The following FBXL7 variants were observed in gnomAD, a reference collection of about 807,000 sequenced individuals.
The protein encoded by FBXL7 is F-box and leucine rich repeat protein 7, also known as F-box/LRR-repeat protein 7.
In FBXL7, 12 loss-of-function variants were observed where a neutral mutation model predicts 38.3. The ratio of observed to expected loss-of-function variants is 0.31; its 90% CI spans 0.20 to 0.51. FBXL7 has a LOEUF of 0.51. Among genes scored for constraint, FBXL7 ranks in the 20% least tolerant of loss-of-function variants. The pLI is 0.98. For synonymous variants in FBXL7, 297 were observed against 300.9 expected (o/e 0.99, Z 0.13); for missense variants, 567 against 676.4 (o/e 0.84, Z 1.79).
Position 15,732,188 on chromosome 5 carries a change from G to T in FBXL7, c.127+116116G>T, listed in dbSNP as rs188309110. Among the ~76,000 whole-genome samples the T allele has an allele frequency of 7.4e-4, 112 of 152,246 alleles. No individual in the cohort carries two copies. The South Asian group carries it at 0.01, about 14-fold the overall frequency. ...GCTCTTATGCGAATTCCACAGATGT[G>T]CTTATTTATTCATGTGTAGAATGCT... On this transcript the variant is annotated intron_variant, in intron 2 of 3. Coordinates refer to ENST00000504595, the MANE Select transcript of FBXL7 (RefSeq NM_012304.5).
At chr5:15,917,724 G>A (rs140154489) in intron 2 of FBXL7, among the ~76,000 whole-genome samples, 32 of 149,782 alleles carry the variant, frequency 2.1e-4, no homozygotes, top group African/African-American at 7.8e-4. Flanking sequence ...GAAGGACGAT[G>A]CTAGCGAAAT....
chr5:15,563,109 A>C (rs1046683101), intron 1 of FBXL7, among the ~76,000 whole-genome samples: 1 of 152,126 alleles, frequency 6.6e-6, no homozygotes, highest in Non-Finnish European at 1.5e-5. Flanking sequence ...TTCTGCTGGA[A>C]AGGTGCAGAA....
chr5:15,866,799 A>G (rs1739735121), intron 2 of FBXL7, among the ~76,000 whole-genome samples: 1 of 151,920 alleles, frequency 6.6e-6, no homozygotes, highest in Non-Finnish European at 1.5e-5. Context: ...ACTGAGGATG[A>G]TGGCTTCCAG....
At position 15,764,653 on chromosome 5, in the gene FBXL7, A is replaced by G. The variant is rs76659691; in HGVS notation, c.127+148581A>G. On this transcript the variant is annotated intron_variant, in intron 2 of 3. Coordinates refer to ENST00000504595, the MANE Select transcript of FBXL7 (RefSeq NM_012304.5). ...CCCAGCTTTTTCACTTATTAAATGC[A>G]TGGGCTTGGACAAGTAATTGGCCAT... 2.1e-3 allele frequency among the ~76,000 whole-genome samples: 322 copies of G among 152,370 alleles called. 6 individuals carry two copies. In the East Asian group the frequency reaches 0.044, roughly 21 times the overall value.
intron 2 of FBXL7, among the ~76,000 whole-genome samples, chr5:15,658,659 G>A (rs949494307): frequency 5.3e-5 from 8 of 152,080 alleles, no homozygotes; most frequent in African/African-American, 1.9e-4. Flanking sequence ...AACTCTAAGG[G>A]GGTCCACTTG....
chr5:15,708,465 T>C (rs537958133), intron 2 of FBXL7, among the ~76,000 whole-genome samples: 6 of 152,324 alleles, frequency 3.9e-5, no homozygotes, highest in African/African-American at 1.4e-4. Flanking sequence ...CAAACAAACT[T>C]GGAGTTATCA....
chr5:15,631,495 A>G (rs1347155487), intron 2 of FBXL7, among the ~76,000 whole-genome samples: 3 of 151,986 alleles, frequency 2.0e-5, no homozygotes, highest in African/African-American at 4.8e-5. Flanking sequence ...CAGGAGTTCG[A>G]GACCAGACTG....
chr5:15,627,394 A>C (rs1008934602), intron 2 of FBXL7, among the ~76,000 whole-genome samples: 2 of 152,172 alleles, frequency 1.3e-5, no homozygotes, highest in African/African-American at 4.8e-5. Context: ...GTGGAAAGGA[A>C]GATAGCATGA....
chr5:15,588,415 C>T (rs1580387749), intron 1 of FBXL7, among the ~76,000 whole-genome samples: 4 of 133,456 alleles, frequency 3.0e-5, no homozygotes, highest in East Asian at 4.3e-4. Flanking sequence ...GATGGAGTTT[C>T]GCTCTTCATT....
intron 2 of FBXL7, among the ~76,000 whole-genome samples, chr5:15,808,421 G>A (rs1737772725): frequency 6.6e-6 from 1 of 152,034 alleles, no homozygotes; most frequent in Admixed American, 6.6e-5. Flanking sequence ...TAGCCAATGA[G>A]GGTTTCTTCC....
At chr5:15,573,788 C>A (rs998749031) in intron 1 of FBXL7, among the ~76,000 whole-genome samples, 2 of 152,170 alleles carry the variant, frequency 1.3e-5, no homozygotes, top group Non-Finnish European at 2.9e-5. Context: ...AATGTGAGGT[C>A]ATCGGTACAA....
At chr5:15,644,775 T>C (rs1471125427) in intron 2 of FBXL7, among the ~76,000 whole-genome samples, 1 of 152,120 alleles carries the variant, frequency 6.6e-6, no homozygotes. Flanking sequence ...GAACCTAGTG[T>C]ATGCATGAGA....
In FBXL7 at chr5:15,556,170, T is replaced by C. The variant is rs756896662; in HGVS notation, c.37+55457T>C. Among the ~76,000 whole-genome samples the C allele has an allele frequency of 4.3e-4, 65 of 152,102 alleles. 1 individual carries two copies. The highest frequency in any genetic ancestry group is 3.2e-3 in the Admixed American group (49 of 15,256). On this transcript the variant is annotated intron_variant, in intron 1 of 3. Coordinates refer to ENST00000504595, the MANE Select transcript of FBXL7 (RefSeq NM_012304.5). The stretch of plus-strand genomic sequence containing the variant: ...CTTTACTCTGAGGTATTGGCTTATG[T>C]GACTGTGGAGGCTGGGAAGTCTCAC...
intron 2 of FBXL7, among the ~76,000 whole-genome samples, chr5:15,626,455 G>A (rs1039484118): frequency 1.4e-4 from 21 of 152,046 alleles, no homozygotes; most frequent in Admixed American, 1.4e-3. Flanking sequence ...CAAGTAATAA[G>A]TTTAATTTCT....
At chr5:15,728,257 G>T (rs1357321867) in intron 2 of FBXL7, among the ~76,000 whole-genome samples, 3 of 151,876 alleles carry the variant, frequency 2.0e-5, no homozygotes, top group African/African-American at 7.3e-5. Flanking sequence ...CTCTGAATGG[G>T]CCATACTTTC....
At chr5:15,926,960 T>C (rs1741891415) in intron 2 of FBXL7, among the ~76,000 whole-genome samples, 1 of 151,680 alleles carries the variant, frequency 6.6e-6, no homozygotes, top group Admixed American at 6.6e-5. Context: ...TGCAACATAA[T>C]CACCCATCTA....
intron 1 of FBXL7, among the ~76,000 whole-genome samples, chr5:15,600,960 C>T (rs991641552): frequency 6.6e-6 from 1 of 152,200 alleles, no homozygotes; most frequent in African/African-American, 2.4e-5. Context: ...TCACTACATT[C>T]TCTGTTGAAA....
At chr5:15,526,644 GAAAAAT>G (rs1254182797) in intron 1 of FBXL7, among the ~76,000 whole-genome samples, 2 of 152,114 alleles carry the variant, frequency 1.3e-5, no homozygotes, top group African/African-American at 2.4e-5. Flanking sequence ...GAAGCCTGCT[GAAAAAT>G]AAAAGTCCAC....
chr5:15,802,843 G>A (rs985422836), intron 2 of FBXL7, among the ~76,000 whole-genome samples: 10 of 152,030 alleles, frequency 6.6e-5, no homozygotes, highest in Admixed American at 4.6e-4. Context: ...AGTAGACACA[G>A]GGTTTCACCA....
Sources: gnomAD v4.1 joint callset for allele counts (sites outside exome capture counted in the v4.1 genomes callset) on GRCh38, gnomAD v4.1.1 for gene constraint, MANE v1.5 for transcripts, NCBI Gene and HGNC (gene_info 2026-07-23, HGNC 2026-07-21) for gene names.